The following OR9G4 variants were observed in gnomAD, a reference collection of about 807,000 sequenced individuals.
OR9G4 encodes the protein olfactory receptor family 9 subfamily G member 4.
Under a neutral mutation model 16.7 loss-of-function variants are expected in OR9G4, and 19 were observed. That is an observed-to-expected ratio of 1.14 (90% CI 0.79 to 1.67). The LOEUF (loss-of-function observed/expected upper bound fraction) is 1.67, where lower values mean the gene tolerates loss of function less well. OR9G4 is among the 40% of genes most tolerant of loss of function. The pLI is 0.00. For missense variants in OR9G4, 428 were observed against 370.4 expected, an observed-to-expected ratio of 1.16 and a Z score of -1.28; for synonymous variants, 182 against 146.2, an observed-to-expected ratio of 1.24 and a Z score of -1.76.
In OR9G4 at chr11:56,742,860, T is replaced by C. The variant is rs1441948096; in HGVS notation, c.907A>G (p.Lys303Glu). The change falls in exon 2 of 2, where the codon AAA becomes GAA. Residue 303 changes from lysine (K) to glutamate (E), a missense_variant. By Grantham distance (56) the Lys-to-Glu change is moderately conservative. Coordinates refer to ENST00000641668, the MANE Select transcript of OR9G4 (RefSeq NM_001005284.2). ...RNKDIKEAFRKATQTIQPQT is the reference protein window; with the variant it reads ...RNKDIKEAFREATQTIQPQT Reference sequence around the variant, plus strand: ...TGTGGTTGTATAGTCTGTGTTGCTTTCCTGAAGGCCTCTTTGATATCTTTG... The same window carrying C: ...TGTGGTTGTATAGTCTGTGTTGCTTCCCTGAAGGCCTCTTTGATATCTTTG... 6.2e-7 allele frequency: 1 copy of C among 1,613,986 alleles called. No homozygotes were observed. The highest frequency in any genetic ancestry group is 8.5e-7 in the Non-Finnish European group (1 of 1,179,890).
Position 56,743,171 on chromosome 11 carries a change from A to C in OR9G4, c.596T>G (p.Leu199Arg). The change falls in exon 2 of 2, where the codon CTG (leucine) becomes CGG (arginine). Residue 199 changes from leucine (L) to arginine (R), a missense_variant. Physicochemically the swap from Leu to Arg is moderately radical, Grantham distance 102. Transcript: ENST00000641668. ...CTNTRVYEKV[L>R]LGVVGFTVLS... ...TACTGTGAAGCCCACCACACCAAGC[A>C]GGACTTTTTCGTAGACCCTGGTGTT... 6.2e-7 allele frequency: 1 copy of C among 1,614,190 alleles called. No individual in the cohort carries two copies. Among genetic ancestry groups the C allele is most frequent in the Non-Finnish European group, 8.5e-7 (1 of 1,180,002 alleles).
chr11:56,746,798 G>A (rs1176033589), intron 1 of OR9G4, among the ~76,000 whole-genome samples: 1 of 151,976 alleles, frequency 6.6e-6, no homozygotes, highest in Non-Finnish European at 1.5e-5. Flanking sequence ...TCAGAAAATT[G>A]CAATTTTCCT....
At position 56,742,922 on chromosome 11, in the gene OR9G4, T is replaced by A; in HGVS notation, c.845A>T (p.Asn282Ile). Residue 282 changes from asparagine to isoleucine, a missense_variant, in exon 2 of 2, where the codon AAC becomes ATC. By Grantham distance (149) the Asn-to-Ile change is moderately radical. Transcript: ENST00000641668. ...KVAALFYTVI[N>I]PLLNPLIYSL... ...ATAGATGAGAGGGTTGAGCAGTGGG[T>A]TGATCACGGTGTAGAACAGAGCAGC... 6.2e-7 allele frequency: 1 copy of A among 1,614,166 alleles called. No individual in the cohort carries two copies. The highest frequency in any genetic ancestry group is 8.5e-7 in the Non-Finnish European group (1 of 1,180,010).
intron 1 of OR9G4, among the ~76,000 whole-genome samples, chr11:56,746,722 C>T (rs1565066187): frequency 6.6e-6 from 1 of 152,106 alleles, no homozygotes; most frequent in Non-Finnish European, 1.5e-5. Context: ...TTTACTCTTC[C>T]AGGATCTGAA....
intron 1 of OR9G4, among the ~76,000 whole-genome samples, chr11:56,744,618 G>A (rs186004932): frequency 3.3e-5 from 5 of 152,220 alleles, no homozygotes; most frequent in Admixed American, 3.3e-4. Flanking sequence ...AGTCTTGGAT[G>A]GCTTGGTGGT....
At position 56,743,191 on chromosome 11, in the gene OR9G4, G is replaced by A. The variant is rs2135058056; in HGVS notation, c.576C>T (p.Thr192=). Residue 192 remains threonine (T), a synonymous_variant, in exon 2 of 2, where the codon ACC becomes ACT. Transcript: ENST00000641668. ...CAAGCAGGACTTTTTCGTAGACCCT[G>A]GTGTTTGTACAGGACATTTTTACCA... The part of the protein sequence containing the change: ...PPLVKMSCTN[T]RVYEKVLLGV... The A allele has an allele frequency of 6.2e-7, 1 of 1,614,060 alleles. No individual in the cohort carries two copies. Among genetic ancestry groups the A allele is most frequent in the Middle Eastern group, 1.6e-4 (1 of 6,062 alleles).
intron 1 of OR9G4, among the ~76,000 whole-genome samples, chr11:56,746,620 T>C (rs1858421236): frequency 6.6e-6 from 1 of 152,176 alleles, no homozygotes; most frequent in African/African-American, 2.4e-5. Context: ...AGAGGAGTAA[T>C]AGGTAATTAA....
rs994092939 is a variant in OR9G4, at chr11:56,743,322, A to C, written c.445T>G (p.Tyr149Asp). 6.2e-7 allele frequency: 1 copy of C among 1,614,242 alleles called. No individual in the cohort carries two copies. Among genetic ancestry groups the C allele is most frequent in the Non-Finnish European group, 8.5e-7 (1 of 1,180,044 alleles). Residue 149 changes from tyrosine to aspartate, a missense_variant, in exon 2 of 2, where the codon TAC becomes GAC. Transcript: ENST00000641668. The stretch of plus-strand genomic sequence containing the variant: ...ATGGCATTCAAAAATCCTCCTATGT[A>C]GGAGCCAGCAACAAGCCCAGTACAG... The part of the protein sequence containing the change: ...ALCTGLVAGS[Y>D]IGGFLNAIAH...
intron 1 of OR9G4, among the ~76,000 whole-genome samples, chr11:56,745,938 G>A (rs1370862122): frequency 1.1e-4 from 16 of 152,102 alleles, no homozygotes; most frequent in Admixed American, 1.0e-3. Flanking sequence ...AAAATTTGCT[G>A]AAGACAACTG....
rs1019926426 is a variant in OR9G4, at chr11:56,742,830, A to C, written c.937T>G (p.Ter313GlyextTer36). 2 of 1,609,562 alleles carry C rather than the reference A, an allele frequency of 1.2e-6. No homozygotes were observed. Among genetic ancestry groups the C allele is most frequent in the African/African-American group, 2.7e-5 (2 of 74,712 alleles). Residue 313 changes from the stop codon to glycine (G), a stop_lost, in exon 2 of 2, where the codon TGA becomes GGA. Transcript: ENST00000641668. ...AGCATTTGCAAAGAGAATAACCTTCATGTTTGTGGTTGTATAGTCTGTGTT... is the reference window on the plus strand; with the variant it reads ...AGCATTTGCAAAGAGAATAACCTTCCTGTTTGTGGTTGTATAGTCTGTGTT... ...KATQTIQPQT[*>G]
At chr11:56,747,440 T>A (rs1353370439) in intron 1 of OR9G4, among the ~76,000 whole-genome samples, 1 of 152,158 alleles carries the variant, frequency 6.6e-6, no homozygotes, top group Non-Finnish European at 1.5e-5. Context: ...TCTACTGTGT[T>A]ATCCCCCTCA....
rs1401112423 is a variant in OR9G4 at position 56,743,330 on chromosome 11, G to A, written c.437C>T (p.Ala146Val). The change falls in exon 2 of 2, where the codon GCT becomes GTT. Residue 146 changes from alanine (A) to valine (V), a missense_variant. Coordinates refer to ENST00000641668, the MANE Select transcript of OR9G4 (RefSeq NM_001005284.2). ...CAAAAATCCTCCTATGTAGGAGCCA[G>A]CAACAAGCCCAGTACAGAGGGCGGT... The part of the protein sequence containing the change: ...MSTALCTGLV[A>V]GSYIGGFLNA... The A allele has an allele frequency of 6.2e-7, 1 of 1,614,208 alleles. No homozygotes were observed.
Position 56,743,218 on chromosome 11 carries a change from T to A in OR9G4, c.549A>T (p.Pro183=), listed in dbSNP as rs1397053. The A allele has an allele frequency of 1.9e-6, 3 of 1,613,982 alleles. No homozygotes were observed. Among genetic ancestry groups the A allele is most frequent in the East Asian group, 4.5e-5 (2 of 44,878 alleles). Reference sequence around the variant, plus strand: ...TGTTTGTACAGGACATTTTTACCAATGGTGGTGCATCACAGAAAAAGTGGT... The same window carrying A: ...TGTTTGTACAGGACATTTTTACCAAAGGTGGTGCATCACAGAAAAAGTGGT... The part of the protein sequence containing the change: ...IIDHFFCDAP[P]LVKMSCTNTR... The change falls in exon 2 of 2, where the codon CCA becomes CCT. Residue 183 remains proline, a synonymous_variant. Transcript: ENST00000641668.
chr11:56,745,161 A>C (rs974061757), intron 1 of OR9G4, among the ~76,000 whole-genome samples: 1 of 152,194 alleles, frequency 6.6e-6, no homozygotes, highest in Non-Finnish European at 1.5e-5. Flanking sequence ...CTTAATTATA[A>C]ATTCTGAGCT....
chr11:56,745,534 CT>C (rs1858393966), intron 1 of OR9G4, among the ~76,000 whole-genome samples: 1 of 152,032 alleles, frequency 6.6e-6, no homozygotes, highest in Non-Finnish European at 1.5e-5. Context: ...AATCCCAGCA[CT>C]TTAGGAGGCT....
In OR9G4 at chr11:56,742,758, T is replaced by C; in HGVS notation, c.*70A>G. On this transcript the variant is annotated 3_prime_UTR_variant, in exon 2 of 2. Transcript: ENST00000641668. ...ATTGAACTTAATTGAACTACAGAAA[T>C]GCAAATGAACACATTTATAAGCCAA... is the stretch of plus-strand genomic sequence containing the variant. 3 of 1,360,590 alleles carry C rather than the reference T, an allele frequency of 2.2e-6. No homozygotes were observed. Among genetic ancestry groups the C allele is most frequent in the Non-Finnish European group, 2.0e-6 (2 of 985,444 alleles). 84.3% of individuals were successfully genotyped at this position (1,360,590 alleles called of 1,614,324 possible). A position where few individuals can be genotyped will look rare whatever the true frequency, so the allele number is the denominator to read the frequency against.
rs1216924505 is a variant in OR9G4, at chr11:56,742,076, TA to T, written c.*751del. On this transcript the variant is annotated 3_prime_UTR_variant, in exon 2 of 2. Coordinates refer to ENST00000641668, the MANE Select transcript of OR9G4 (RefSeq NM_001005284.2). ...GGTCAGGACAAAGGAAAGAGAAAGGTAACTAGGGAACAGTGGTTACTATTGT... is the reference window on the plus strand; with the variant it reads ...GGTCAGGACAAAGGAAAGAGAAAGGTACTAGGGAACAGTGGTTACTATTGT... 6.6e-6 allele frequency: 1 copy of T among 152,334 alleles called. No individual in the cohort carries two copies. The highest frequency in any genetic ancestry group is 1.5e-5 in the Non-Finnish European group (1 of 68,084). 9.4% of individuals were successfully genotyped at this position (152,334 alleles called of 1,614,324 possible).
chr11:56,747,577 T>C (rs771194655), intron 1 of OR9G4, among the ~76,000 whole-genome samples: 2 of 152,220 alleles, frequency 1.3e-5, no homozygotes, highest in Non-Finnish European at 2.9e-5. Context: ...CAAAGAACAG[T>C]TCCTAGTCAT....
chr11:56,744,784 G>A (rs1324660284), intron 1 of OR9G4, among the ~76,000 whole-genome samples: 1 of 152,082 alleles, frequency 6.6e-6, no homozygotes. Context: ...ATCTGGCTGC[G>A]CTCACTCTGT....
Sources: allele counts gnomAD v4.1 joint callset (sites outside exome capture counted in the v4.1 genomes callset), GRCh38; gene constraint gnomAD v4.1.1; transcripts MANE v1.5; gene names NCBI Gene and HGNC (gene_info 2026-07-23, HGNC 2026-07-21).